Variants in CNBD1 observed in about 807,000 individuals in gnomAD.
CNBD1 encodes cyclic nucleotide-binding domain-containing protein 1.
CNBD1 carries 71 observed loss-of-function variants against 54.4 expected under a neutral mutation model. That is an observed-to-expected ratio of 1.30 (90% CI 1.08 to 1.59). The LOEUF is 1.59. Among genes scored for constraint, CNBD1 ranks in the 40% most tolerant of loss-of-function variants. The probability of loss-of-function intolerance (pLI) is 0.00; values close to 1 mark genes in which losing one functional copy is unlikely to be tolerated. For synonymous variants in CNBD1, 182 were observed against 170.7 expected (o/e 1.07, Z -0.51); for missense variants, 659 against 518.0 (o/e 1.27, Z -2.64).
chr8:87,105,993 A>T (rs954046643), intron 4 of CNBD1, among the ~76,000 whole-genome samples: 1 of 152,190 alleles, frequency 6.6e-6, no homozygotes, highest in Non-Finnish European at 1.5e-5. Flanking sequence ...ACCCTTGACA[A>T]GTCATCATCC....
intron 2 of CNBD1, among the ~76,000 whole-genome samples, chr8:87,401,739 C>G (rs998167954): frequency 4.6e-5 from 7 of 151,950 alleles, no homozygotes; most frequent in Non-Finnish European, 8.8e-5. Flanking sequence ...TTCGTAGAAG[C>G]ATGGATTTTT....
At chr8:87,134,856 G>A (rs894399689) in intron 4 of CNBD1, among the ~76,000 whole-genome samples, 1 of 151,622 alleles carries the variant, frequency 6.6e-6, no homozygotes, top group Admixed American at 6.6e-5. Flanking sequence ...TGATCTGCCC[G>A]CCTCAGCCTC....
chr8:87,126,071 A>G (rs1811984211), intron 4 of CNBD1, among the ~76,000 whole-genome samples: 1 of 151,844 alleles, frequency 6.6e-6, no homozygotes, highest in Admixed American at 6.6e-5. Flanking sequence ...TCTATCCAAC[A>G]TATTGTGGGT....
At chr8:87,403,440 C>T (rs1011304797) in intron 2 of CNBD1, among the ~76,000 whole-genome samples, 2 of 151,882 alleles carry the variant, frequency 1.3e-5, no homozygotes, top group Non-Finnish European at 2.9e-5. Flanking sequence ...GTTTCAATTA[C>T]CCTAGTTTCA....
At chr8:87,250,670 A>C (rs1023982088) in intron 6 of CNBD1, among the ~76,000 whole-genome samples, 5 of 152,214 alleles carry the variant, frequency 3.3e-5, no homozygotes, top group Non-Finnish European at 5.9e-5. Flanking sequence ...ATCATTTACA[A>C]CAACATAGAT....
At chr8:87,283,780 G>A (rs1364795460) in intron 6 of CNBD1, among the ~76,000 whole-genome samples, 1 of 152,014 alleles carries the variant, frequency 6.6e-6, no homozygotes, top group Non-Finnish European at 1.5e-5. Flanking sequence ...ACCTTGCATG[G>A]CTCTGAGTCC....
intron 8 of CNBD1, among the ~76,000 whole-genome samples, chr8:87,346,162 C>T (rs1385038651): frequency 5.2e-4 from 79 of 152,014 alleles, no homozygotes; most frequent in Admixed American, 5.0e-3. Context: ...CTGCCTCAGC[C>T]TCCCAAGTAG....
At chr8:87,316,606 A>G (rs1041693152) in intron 8 of CNBD1, among the ~76,000 whole-genome samples, 4 of 152,006 alleles carry the variant, frequency 2.6e-5, no homozygotes, top group African/African-American at 9.7e-5. Flanking sequence ...TAGATGTACA[A>G]TAATTTCTAT....
At chr8:86,885,326 C>A (rs1047022210) in intron 1 of CNBD1, among the ~76,000 whole-genome samples, 3 of 152,202 alleles carry the variant, frequency 2.0e-5, no homozygotes, top group African/African-American at 7.2e-5. Flanking sequence ...GGCCTTATAT[C>A]AATAAAGATA....
chr8:87,333,113 T>A (rs1364985894), intron 8 of CNBD1, among the ~76,000 whole-genome samples: 2 of 152,160 alleles, frequency 1.3e-5, no homozygotes, highest in African/African-American at 4.8e-5. Flanking sequence ...TATCTCTAGG[T>A]ATTTTATTCT....
At chr8:87,299,792 G>A (rs779748824) in intron 8 of CNBD1, among the ~76,000 whole-genome samples, 5 of 151,356 alleles carry the variant, frequency 3.3e-5, no homozygotes, top group Non-Finnish European at 7.4e-5. Context: ...GGAACACATA[G>A]TGGTAGGATC....
At chr8:87,331,547 GA>G (rs1427856519) in intron 8 of CNBD1, among the ~76,000 whole-genome samples, 2 of 152,114 alleles carry the variant, frequency 1.3e-5, no homozygotes, top group Non-Finnish European at 2.9e-5. Context: ...CTTTATAATA[GA>G]ATGATTTCTG....
At chr8:87,415,127 A>G (rs1807814822) in intron 2 of CNBD1, among the ~76,000 whole-genome samples, 1 of 152,030 alleles carries the variant, frequency 6.6e-6, no homozygotes, top group South Asian at 2.1e-4. Flanking sequence ...AAGGTGCTTT[A>G]CCACATGTAC....
intron 4 of CNBD1, among the ~76,000 whole-genome samples, chr8:86,975,746 A>G (rs1397254926): frequency 2.0e-5 from 3 of 151,972 alleles, no homozygotes; most frequent in African/African-American, 7.2e-5. Flanking sequence ...GATATACTCA[A>G]AAGTGGGATT....
intron 8 of CNBD1, among the ~76,000 whole-genome samples, chr8:87,345,418 A>G (rs1319012786): frequency 1.3e-5 from 2 of 152,032 alleles, no homozygotes; most frequent in Non-Finnish European, 2.9e-5. Flanking sequence ...TTGGTGCTCT[A>G]CCCCTTCTGC....
intron 6 of CNBD1, among the ~76,000 whole-genome samples, chr8:87,277,728 G>A (rs1047969276): frequency 1.3e-5 from 2 of 151,544 alleles, no homozygotes; most frequent in Non-Finnish European, 3.0e-5. Flanking sequence ...CATTTAGTCT[G>A]CTCCTATACT....
At chr8:87,378,791 G>T (rs1478000909) in intron 10 of CNBD1, among the ~76,000 whole-genome samples, 2 of 151,064 alleles carry the variant, frequency 1.3e-5, no homozygotes, top group Non-Finnish European at 2.9e-5. Context: ...CATGAGCATG[G>T]AATGTTCTTC....
chr8:87,303,264 G>T (rs915263661), intron 8 of CNBD1, among the ~76,000 whole-genome samples: 1 of 151,620 alleles, frequency 6.6e-6, no homozygotes, highest in Admixed American at 6.6e-5. Context: ...AACCAAAACA[G>T]CATGGTACTG....
At chr8:87,169,207 C>G (rs1813034949) in intron 4 of CNBD1, among the ~76,000 whole-genome samples, 1 of 152,012 alleles carries the variant, frequency 6.6e-6, no homozygotes, top group Non-Finnish European at 1.5e-5. Context: ...TACACATTTT[C>G]CATTTGTATG....
Sources: gnomAD v4.1 joint callset for allele counts (sites outside exome capture counted in the v4.1 genomes callset) on GRCh38, gnomAD v4.1.1 for gene constraint, MANE v1.5 for transcripts, NCBI Gene and HGNC (gene_info 2026-07-23, HGNC 2026-07-21) for gene names.